The following CYB5D2 variants were observed in gnomAD, a reference collection of about 807,000 sequenced individuals.
CYB5D2 encodes cytochrome b5 domain containing 2.
Under a neutral mutation model 22.8 loss-of-function variants are expected in CYB5D2, and 23 were observed. The observed-to-expected ratio is 1.01, with a 90% CI of 0.73 to 1.43. CYB5D2 has a LOEUF of 1.43. Among genes scored for constraint, CYB5D2 ranks in the 40% most tolerant of loss-of-function variants. The pLI is 0.00. For synonymous variants in CYB5D2, 170 were observed against 152.2 expected (o/e 1.12, Z -0.86); for missense variants, 373 against 357.2 (o/e 1.04, Z -0.36).
Position 4,157,066 on chromosome 17 carries a change from G to T in CYB5D2, c.779G>T (p.Cys260Phe), listed in dbSNP as rs754520524. Reference protein sequence around the residue: ...YTGCPPLAITCSFPL With the variant: ...YTGCPPLAITFSFPL The stretch of plus-strand genomic sequence containing the variant: ...GGCTGCCCACCGCTAGCCATCACAT[G>T]CTCCTTTCCACTCTAAGCCGTAGCC... The change falls in exon 4 of 4, where the codon TGC becomes TTC. Residue 260 changes from cysteine to phenylalanine, a missense_variant. Cys to Phe is a radical substitution (Grantham distance 205). Transcript: ENST00000301391. This position sits in a 1 kb window ranked among gnomAD's most constrained non-coding sequence, Gnocchi z 4.4. 1.9e-6 allele frequency: 3 copies of T among 1,612,260 alleles called. No homozygotes were observed. In the African/African-American group the frequency reaches 4.0e-5, roughly 22 times the overall value.
At chr17:4,154,604 G>C in intron 2 of CYB5D2, 70 bp from the exon 3 acceptor site, 1 of 1,528,588 alleles carries the variant, frequency 6.5e-7, no homozygotes, top group Non-Finnish European at 8.8e-7. Flanking sequence ...CTGGGAACTT[G>C]TGCCTTCCCA....
At chr17:4,144,988 A>C (rs536561044) in intron 1 of CYB5D2, among the ~76,000 whole-genome samples, 1 of 151,964 alleles carries the variant, frequency 6.6e-6, no homozygotes. Flanking sequence ...GGGTTTCACC[A>C]TGTTAGCCAG....
chr17:4,154,642 TCTCA>T lies in CYB5D2; in HGVS notation c.392-26_392-23del, dbSNP rs1322155063. The T allele has an allele frequency of 5.6e-6, 9 of 1,604,500 alleles. No homozygotes were observed. In the East Asian group the frequency reaches 6.7e-5, roughly 12 times the overall value. On this transcript the variant is annotated intron_variant, in intron 2 of 3. Coordinates refer to ENST00000301391, the MANE Select transcript of CYB5D2 (RefSeq NM_144611.4). ...CCTGCCTCAGCAGCTGAGTATTCAC[TCTCA>T]CTCACATCTGCCTTCCTGTCATCAC... is the stretch of plus-strand genomic sequence containing the variant.
At position 4,157,641 on chromosome 17, in the gene CYB5D2, TCTAACAAGGTAA is replaced by T. The variant is rs1306437993; in HGVS notation, c.*562_*573del. On this transcript the variant is annotated 3_prime_UTR_variant, in exon 4 of 4. Coordinates refer to ENST00000301391, the MANE Select transcript of CYB5D2 (RefSeq NM_144611.4). This position sits in a 1 kb window ranked among gnomAD's most constrained non-coding sequence, Gnocchi z 4.4. ...TTTGAGCAAAAGGTGGCTTCCCAGC[TCTAACAAGGTAA>T]CTGGTTAGCATGACATTAAAGCTTG... is the stretch of plus-strand genomic sequence containing the variant. The T allele has an allele frequency of 1.3e-5, 2 of 156,814 alleles. No individual in the cohort carries two copies. Among genetic ancestry groups the T allele is most frequent in the African/African-American group, 4.8e-5 (2 of 41,480 alleles). 9.7% of individuals were successfully genotyped at this position (156,814 alleles called of 1,614,324 possible). A position where few individuals can be genotyped will look rare whatever the true frequency, so the allele number is the denominator to read the frequency against.
At position 4,150,012 on chromosome 17, in the gene CYB5D2, G is replaced by C. The variant is rs1567889064; in HGVS notation, c.372G>C (p.Glu124Asp). 1.2e-6 allele frequency: 2 copies of C among 1,614,140 alleles called. No homozygotes were observed. The highest frequency in any genetic ancestry group is 1.7e-6 in the Non-Finnish European group (2 of 1,180,034). Residue 124 changes from glutamate (E) to aspartate (D), a missense_variant, in exon 2 of 4, where the codon GAG becomes GAC. By Grantham distance (45) the Glu-to-Asp change is conservative. Coordinates refer to ENST00000301391, the MANE Select transcript of CYB5D2 (RefSeq NM_144611.4). Reference protein sequence around the residue: ...LTLHNWLSFYEKNYVCVGRVT... With the variant: ...LTLHNWLSFYDKNYVCVGRVT... The stretch of plus-strand genomic sequence containing the variant: ...TTCACAATTGGCTTTCATTCTATGA[G>C]AAGAATTATGTGTGTGTTGGTAAGT...
chr17:4,147,863 C>G (rs1021657992), intron 1 of CYB5D2, among the ~76,000 whole-genome samples: 3 of 152,084 alleles, frequency 2.0e-5, no homozygotes, highest in African/African-American at 7.2e-5. Context: ...CAAAAACAAA[C>G]AAACAGAAAT....
chr17:4,157,025 C>T lies in CYB5D2; in HGVS notation c.738C>T (p.Asn246=), dbSNP rs1318265063. ...ATCGTGGGGACCTGGACCACCCAAA[C>T]TTGGCAGAGTACACAGGCTGCCCAC... ...HRNRGDLDHP[N]LAEYTGCPPL... is the part of the protein sequence containing the mutation. The change falls in exon 4 of 4, where the codon AAC becomes AAT. Residue 246 remains asparagine (N), a synonymous_variant. Coordinates refer to ENST00000301391, the MANE Select transcript of CYB5D2 (RefSeq NM_144611.4). This position sits in a 1 kb window ranked among gnomAD's most constrained non-coding sequence, Gnocchi z 4.4. 1.6e-5 allele frequency: 25 copies of T among 1,612,668 alleles called. No homozygotes were observed. Among genetic ancestry groups the T allele is most frequent in the Non-Finnish European group, 2.0e-5 (24 of 1,180,040 alleles).
rs2059123271 is a variant in CYB5D2, at chr17:4,157,329, A to G, written c.*247A>G. ...CACTATTCCCTTTGACCTACTGGCC[A>G]TCTTCCTCACAGCCCTCAGATATCA... is the stretch of plus-strand genomic sequence containing the variant. On this transcript the variant is annotated 3_prime_UTR_variant, in exon 4 of 4. Coordinates refer to ENST00000301391, the MANE Select transcript of CYB5D2 (RefSeq NM_144611.4). This position sits in a 1 kb window ranked among gnomAD's most constrained non-coding sequence, Gnocchi z 4.4. The G allele has an allele frequency of 3.6e-6, 2 of 558,514 alleles. No individual in the cohort carries two copies. The highest frequency in any genetic ancestry group is 6.3e-5 in the Admixed American group (2 of 31,780). The allele number at this position is 558,514 out of a possible 1,614,324, so 34.6% of individuals were successfully genotyped here.
At chr17:4,151,428 T>C (rs2059056311) in intron 2 of CYB5D2, among the ~76,000 whole-genome samples, 1 of 152,192 alleles carries the variant, frequency 6.6e-6, no homozygotes, top group Non-Finnish European at 1.5e-5. Context: ...CTCACACCTG[T>C]AATCCTAACA....
At chr17:4,147,579 TGTG>T in intron 1 of CYB5D2, among the ~76,000 whole-genome samples, 1 of 152,186 alleles carries the variant, frequency 6.6e-6, no homozygotes, top group Non-Finnish European at 1.5e-5. Context: ...AGTGGCCAGG[TGTG>T]GTGGCTCACG....
rs1212047032 is a variant in CYB5D2 at position 4,156,800 on chromosome 17, G to A, written c.579-66G>A. On this transcript the variant is annotated intron_variant, in intron 3 of 3. Coordinates refer to ENST00000301391, the MANE Select transcript of CYB5D2 (RefSeq NM_144611.4). ...CAGAAGGCCTGGCTCTCTGCTTCCT[G>A]CTCTCCCCTTCCCAGAGACTCATGA... The A allele has an allele frequency of 8.4e-6, 13 of 1,551,772 alleles. No homozygotes were observed. The Admixed American group carries it at 2.3e-4, about 28-fold the overall frequency.
rs374430121 is a variant in CYB5D2, at chr17:4,143,842, G to A, written c.87G>A (p.Trp29Ter). ...TGGCAGCACGGCTTATGGGCTGGTG[G>A]GGTCCCCGCGCTGGCTTTCGCCTTT... ...AVMAARLMGW[W>*]GPRAGFRLFI... The change falls in exon 1 of 4, where the codon TGG (tryptophan) becomes TGA (stop). Residue 29 changes from tryptophan (W) to a stop codon, truncating the protein, a stop_gained. Coordinates refer to ENST00000301391, the MANE Select transcript of CYB5D2 (RefSeq NM_144611.4). LOFTEE classifies it high-confidence loss of function. 3.1e-6 allele frequency: 5 copies of A among 1,614,116 alleles called. No individual in the cohort carries two copies. Among genetic ancestry groups the A allele is most frequent in the East Asian group, 4.5e-5 (2 of 44,876 alleles).
Position 4,150,038 on chromosome 17 carries a change from C to A in CYB5D2, c.391+7C>A. On this transcript the variant is annotated splice_region_variant and intron_variant, in intron 2 of 3. Coordinates refer to ENST00000301391, the MANE Select transcript of CYB5D2 (RefSeq NM_144611.4). ...AAGAATTATGTGTGTGTTGGTAAGTCGTCCATAGGTCATACATTTCATTTG... is the reference window on the plus strand; with the variant it reads ...AAGAATTATGTGTGTGTTGGTAAGTAGTCCATAGGTCATACATTTCATTTG... The A allele has an allele frequency of 1.2e-6, 2 of 1,613,614 alleles. No individual in the cohort carries two copies. Among genetic ancestry groups the A allele is most frequent in the South Asian group, 2.2e-5 (2 of 91,002 alleles).
intron 2 of CYB5D2, among the ~76,000 whole-genome samples, chr17:4,153,330 G>A (rs1472693429): frequency 7.1e-6 from 1 of 141,366 alleles, no homozygotes; most frequent in Non-Finnish European, 1.5e-5. Flanking sequence ...AGAGCGGTGC[G>A]AAGGTGGGGA....
chr17:4,146,392 GT>G (rs930621937), intron 1 of CYB5D2, among the ~76,000 whole-genome samples: 2 of 149,426 alleles, frequency 1.3e-5, no homozygotes, highest in African/African-American at 4.9e-5. Context: ...AAAATTCAGT[GT>G]TTTTTTTGTT....
intron 1 of CYB5D2, among the ~76,000 whole-genome samples, chr17:4,144,493 CT>C (rs1297449803): frequency 2.0e-5 from 3 of 152,138 alleles, no homozygotes; most frequent in Non-Finnish European, 4.4e-5. Flanking sequence ...TGCATCAATA[CT>C]TTATTCCTTT....
chr17:4,154,927 C>T, intron 3 of CYB5D2, 67 bp downstream of exon 3: 1 of 1,466,832 alleles, frequency 6.8e-7, no homozygotes, highest in Non-Finnish European at 9.2e-7. Context: ...ATCCTGCCTG[C>T]AGTATTCAGT....
rs773222955 is a variant in CYB5D2, at chr17:4,157,058, C to T, written c.771C>T (p.Ala257=). The change falls in exon 4 of 4, where the codon GCC becomes GCT. Residue 257 remains alanine, a synonymous_variant. Transcript: ENST00000301391. This position sits in a 1 kb window ranked among gnomAD's most constrained non-coding sequence, Gnocchi z 4.4. ...LAEYTGCPPL[A]ITCSFPL Reference sequence around the variant, plus strand: ...AGTACACAGGCTGCCCACCGCTAGCCATCACATGCTCCTTTCCACTCTAAG... The same window carrying T: ...AGTACACAGGCTGCCCACCGCTAGCTATCACATGCTCCTTTCCACTCTAAG... 6.2e-7 allele frequency: 1 copy of T among 1,612,444 alleles called. No homozygotes were observed. Among genetic ancestry groups the T allele is most frequent in the Non-Finnish European group, 8.5e-7 (1 of 1,180,034 alleles).
At position 4,156,134 on chromosome 17, in the gene CYB5D2, G is replaced by A. The variant is rs369834803; in HGVS notation, c.579-732G>A. Reference sequence around the variant, plus strand: ...GGCAGTTTCTCTGACAGCAGGCACCGGAAGCTGTCTGAGGCGTCAGTTCCA... The same window carrying A: ...GGCAGTTTCTCTGACAGCAGGCACCAGAAGCTGTCTGAGGCGTCAGTTCCA... On this transcript the variant is annotated intron_variant, in intron 3 of 3. Coordinates refer to ENST00000301391, the MANE Select transcript of CYB5D2 (RefSeq NM_144611.4). Among the ~76,000 whole-genome samples the A allele has an allele frequency of 9.2e-5, 14 of 152,366 alleles. No homozygotes were observed. The South Asian group carries it at 2.5e-3, about 27-fold the overall frequency.
Sources: allele counts gnomAD v4.1 joint callset (sites outside exome capture counted in the v4.1 genomes callset), GRCh38; gene constraint gnomAD v4.1.1; non-coding constraint Gnocchi (gnomAD v3.1); transcripts MANE v1.5; gene names NCBI Gene and HGNC (gene_info 2026-07-23, HGNC 2026-07-21).